Variants in INPP4B observed in about 807,000 individuals in gnomAD.
INPP4B encodes the protein inositol polyphosphate 4-phosphatase type II.
INPP4B carries 55 observed loss-of-function variants against 122.5 expected under a neutral mutation model. The observed-to-expected ratio is 0.45, with a 90% CI of 0.36 to 0.56. The LOEUF (loss-of-function observed/expected upper bound fraction) is 0.56, where lower values mean the gene tolerates loss of function less well. INPP4B is among the 20% of genes least tolerant of loss of function. The pLI is 0.00. For missense variants in INPP4B, 1,000 were observed against 1,097.7 expected (o/e 0.91, Z 1.26); for synonymous variants, 403 against 388.7 (o/e 1.04, Z -0.43).
At chr4:142,643,929 A>G (rs939934225) in intron 2 of INPP4B, among the ~76,000 whole-genome samples, 2 of 152,142 alleles carry the variant, frequency 1.3e-5, no homozygotes, top group African/African-American at 2.4e-5. Flanking sequence ...AGCTGGGTGC[A>G]GTGGCTCATG....
At chr4:142,694,399 G>GA (rs201122387) in intron 2 of INPP4B, among the ~76,000 whole-genome samples, 14 of 143,790 alleles carry the variant, frequency 9.7e-5, no homozygotes, top group East Asian at 4.1e-4. Flanking sequence ...AAGAAAAAAA[G>GA]AAAAAAAAAA....
intron 12 of INPP4B, among the ~76,000 whole-genome samples, chr4:142,231,351 G>A (rs1854285482): frequency 1.3e-5 from 2 of 152,140 alleles, no homozygotes; most frequent in Non-Finnish European, 2.9e-5. Context: ...ACACAAATAA[G>A]CAAACAGTGC....
chr4:142,838,478 G>A (rs1227267129), intron 1 of INPP4B, among the ~76,000 whole-genome samples: 7 of 151,442 alleles, frequency 4.6e-5, no homozygotes, highest in Non-Finnish European at 7.4e-5. Flanking sequence ...ATATAAAATA[G>A]GAAAAAGGAT....
chr4:142,569,512 A>G (rs1031730415), intron 2 of INPP4B, among the ~76,000 whole-genome samples: 4 of 152,134 alleles, frequency 2.6e-5, no homozygotes, highest in Non-Finnish European at 4.4e-5. Flanking sequence ...ACTACTTTAC[A>G]GAAGGGAGAA....
intron 2 of INPP4B, among the ~76,000 whole-genome samples, chr4:142,544,079 C>T (rs1040238749): frequency 6.6e-6 from 1 of 150,490 alleles, no homozygotes; most frequent in East Asian, 2.0e-4. Context: ...GTTAGAGACT[C>T]TGGGGCCTAC....
intron 2 of INPP4B, among the ~76,000 whole-genome samples, chr4:142,550,827 T>C (rs535814513): frequency 6.6e-6 from 1 of 152,104 alleles, no homozygotes; most frequent in East Asian, 1.9e-4. Context: ...ATTATCTGGG[T>C]AATTATCTGG....
intron 16 of INPP4B, among the ~76,000 whole-genome samples, chr4:142,173,335 C>T (rs1826463501): frequency 6.6e-6 from 1 of 151,052 alleles, no homozygotes; most frequent in Non-Finnish European, 1.5e-5. Context: ...ATTTAATTCA[C>T]TTAATAAGAC....
At chr4:142,112,189 A>C (rs553567944) in intron 22 of INPP4B, among the ~76,000 whole-genome samples, 30 of 152,228 alleles carry the variant, frequency 2.0e-4, no homozygotes, top group Admixed American at 6.5e-4. Flanking sequence ...TTAGATTTAA[A>C]AACTTGATGC....
At chr4:142,486,070 A>G (rs892306436) in intron 2 of INPP4B, among the ~76,000 whole-genome samples, 8 of 152,156 alleles carry the variant, frequency 5.3e-5, no homozygotes, top group Non-Finnish European at 1.2e-4. Flanking sequence ...GAGGAAGACA[A>G]GAAGTGCCGA....
At chr4:142,708,839 A>G (rs2150786469) in intron 2 of INPP4B, among the ~76,000 whole-genome samples, 1 of 152,294 alleles carries the variant, frequency 6.6e-6, no homozygotes, top group South Asian at 2.1e-4. Context: ...TGTGAGAAGA[A>G]GGCTACTCCA....
chr4:142,546,121 C>T (rs1974940), intron 2 of INPP4B, among the ~76,000 whole-genome samples: 54,058 of 151,422 alleles, frequency 0.36, 10,553 homozygotes, highest in East Asian at 0.81. Context: ...ATGTGTGTGT[C>T]GTTCCTCTCT....
chr4:142,055,001 A>G (rs2667102), intron 25 of INPP4B, among the ~76,000 whole-genome samples: 123,700 of 151,950 alleles, frequency 0.81, 52,495 homozygotes, highest in Non-Finnish European at 0.92. Context: ...GGCCAGGTAT[A>G]TACATGTGTA....
chr4:142,271,448 C>A (rs1745778508), intron 9 of INPP4B, among the ~76,000 whole-genome samples: 1 of 152,160 alleles, frequency 6.6e-6, no homozygotes, highest in Non-Finnish European at 1.5e-5. Context: ...GCATGAGATA[C>A]CTATGTGTCT....
intron 7 of INPP4B, among the ~76,000 whole-genome samples, chr4:142,375,163 T>G (rs1791390678): frequency 6.6e-6 from 1 of 151,860 alleles, no homozygotes; most frequent in Non-Finnish European, 1.5e-5. Flanking sequence ...AATCCATTTT[T>G]TTTTCATCTT....
intron 14 of INPP4B, among the ~76,000 whole-genome samples, chr4:142,199,854 G>C (rs912566980): frequency 6.6e-6 from 1 of 152,024 alleles, no homozygotes; most frequent in Non-Finnish European, 1.5e-5. Flanking sequence ...GGCTAACCTT[G>C]ATGCATTGGA....
chr4:142,757,998 C>G (rs1156552483), intron 1 of INPP4B, among the ~76,000 whole-genome samples: 1 of 152,094 alleles, frequency 6.6e-6, no homozygotes, highest in Non-Finnish European at 1.5e-5. Flanking sequence ...TTTTTAAACT[C>G]CATAGGCAAC....
At chr4:142,408,283 G>A (rs1803866351) in intron 5 of INPP4B, among the ~76,000 whole-genome samples, 3 of 151,434 alleles carry the variant, frequency 2.0e-5, no homozygotes, top group Non-Finnish European at 2.9e-5. Flanking sequence ...GAATGGGTGA[G>A]GTGGCTTATG....
intron 2 of INPP4B, among the ~76,000 whole-genome samples, chr4:142,465,318 A>C (rs1817568673): frequency 1.3e-5 from 2 of 152,088 alleles, no homozygotes; most frequent in African/African-American, 2.4e-5. Flanking sequence ...ATTTACTAAA[A>C]CCCAATGAAG....
At chr4:142,143,697 T>G (rs140517787) in intron 18 of INPP4B, among the ~76,000 whole-genome samples, 2 of 152,218 alleles carry the variant, frequency 1.3e-5, no homozygotes, top group East Asian at 3.9e-4. Flanking sequence ...ATTCCAGTTC[T>G]GACAATCTAA....
Sources: gnomAD v4.1 joint callset for allele counts (sites outside exome capture counted in the v4.1 genomes callset) on GRCh38, gnomAD v4.1.1 for gene constraint, MANE v1.5 for transcripts, NCBI Gene and HGNC (gene_info 2026-07-23, HGNC 2026-07-21) for gene names.